HMGCLL1: variants seen among roughly 807,000 people sequenced by gnomAD.
HMGCLL1 encodes the protein 3-hydroxymethyl-3-methylglutaryl-CoA lyase, cytoplasmic.
In HMGCLL1, 36 loss-of-function variants were observed where a neutral mutation model predicts 39.1. That is an observed-to-expected ratio of 0.92 (90% confidence interval 0.71 to 1.22). The LOEUF is 1.22. Among genes scored for constraint, HMGCLL1 ranks in the 50% most tolerant of loss-of-function variants. HMGCLL1 has a pLI of 0.00. For synonymous variants in HMGCLL1, 149 were observed against 144.0 expected (o/e 1.03, Z -0.25); for missense variants, 451 against 416.5 (o/e 1.08, Z -0.72).
At chr6:55,558,038 T>C (rs1411171433) in intron 1 of HMGCLL1, among the ~76,000 whole-genome samples, 3 of 152,106 alleles carry the variant, frequency 2.0e-5, no homozygotes. Flanking sequence ...TCAGGCTCCA[T>C]TTAAATGGAG....
intron 7 of HMGCLL1, among the ~76,000 whole-genome samples, chr6:55,488,788 T>A (rs1318208142): frequency 6.6e-6 from 1 of 152,044 alleles, no homozygotes; most frequent in Non-Finnish European, 1.5e-5. Flanking sequence ...GAGAAGTAAT[T>A]TTATAAGAAT....
At chr6:55,605,798 C>T in the HMGCLL1 span, among the ~76,000 whole-genome samples, 1 of 152,108 alleles carries the variant, frequency 6.6e-6, no homozygotes, top group Non-Finnish European at 1.5e-5. Flanking sequence ...TTCCCAAACT[C>T]CTGAGTTAGA....
intron 3 of HMGCLL1, among the ~76,000 whole-genome samples, chr6:55,523,763 A>G (rs1199042492): frequency 1.3e-5 from 2 of 151,924 alleles, no homozygotes; most frequent in African/African-American, 2.4e-5. Context: ...TGGCACCAGA[A>G]GTATGTAAAT....
the HMGCLL1 span, among the ~76,000 whole-genome samples, chr6:55,666,790 T>A: frequency 8.0e-4 from 122 of 151,786 alleles, no homozygotes; most frequent in African/African-American, 2.9e-3. Context: ...CAGTTAAATT[T>A]TTCAAAATTT....
chr6:55,604,870 T>G, the HMGCLL1 span, among the ~76,000 whole-genome samples: 1 of 152,222 alleles, frequency 6.6e-6, no homozygotes, highest in Non-Finnish European at 1.5e-5. Context: ...CATTTTTACA[T>G]GTATTAATTT....
At chr6:55,505,643 C>T (rs982188122) in intron 5 of HMGCLL1, among the ~76,000 whole-genome samples, 3 of 151,504 alleles carry the variant, frequency 2.0e-5, no homozygotes, top group East Asian at 1.9e-4. Flanking sequence ...ATTAGAATAC[C>T]GTGTATTAAA....
the HMGCLL1 span, among the ~76,000 whole-genome samples, chr6:55,627,538 G>C: frequency 6.6e-6 from 1 of 151,914 alleles, no homozygotes; most frequent in Non-Finnish European, 1.5e-5. Context: ...TCATTGGATT[G>C]AAGGATACAA....
At chr6:55,647,787 A>G in the HMGCLL1 span, among the ~76,000 whole-genome samples, 17 of 56,314 alleles carry the variant, frequency 3.0e-4, no homozygotes, top group African/African-American at 1.4e-3. Context: ...TTTTTATTAT[A>G]CTCTAAGTTT....
At chr6:55,449,694 A>G (rs1763998531) in intron 7 of HMGCLL1, among the ~76,000 whole-genome samples, 1 of 151,988 alleles carries the variant, frequency 6.6e-6, no homozygotes, top group African/African-American at 2.4e-5. Context: ...TTACGATTTT[A>G]TTGGATCTCT....
At chr6:55,670,283 G>C in the HMGCLL1 span, among the ~76,000 whole-genome samples, 1 of 151,588 alleles carries the variant, frequency 6.6e-6, no homozygotes, top group Non-Finnish European at 1.5e-5. Flanking sequence ...GAGAAATAAA[G>C]ATATTCTCAG....
the HMGCLL1 span, among the ~76,000 whole-genome samples, chr6:55,623,278 C>T: frequency 2.0e-5 from 3 of 151,480 alleles, no homozygotes; most frequent in Non-Finnish European, 4.4e-5. Flanking sequence ...ATTTCTTTTC[C>T]TTTTCTAATT....
intron 3 of HMGCLL1, among the ~76,000 whole-genome samples, chr6:55,540,623 T>A (rs1258217548): frequency 6.6e-6 from 1 of 152,188 alleles, no homozygotes; most frequent in East Asian, 1.9e-4. Context: ...TCACCCAGTC[T>A]ATGCTATTCT....
the HMGCLL1 span, among the ~76,000 whole-genome samples, chr6:55,664,592 T>C: frequency 1.3e-5 from 2 of 151,936 alleles, no homozygotes; most frequent in East Asian, 1.9e-4. Context: ...AGCTATCTAT[T>C]ACTTTGTAGC....
the HMGCLL1 span, among the ~76,000 whole-genome samples, chr6:55,671,478 G>A: frequency 2.3e-4 from 35 of 151,852 alleles, no homozygotes; most frequent in East Asian, 5.4e-3. Flanking sequence ...TACATGAAGC[G>A]AAACTAACAG....
At chr6:55,589,212 A>C in the HMGCLL1 span, among the ~76,000 whole-genome samples, 3 of 152,230 alleles carry the variant, frequency 2.0e-5, no homozygotes, top group Non-Finnish European at 1.5e-5. Context: ...CACCATGATC[A>C]AGTGGGCTTC....
At chr6:55,531,883 G>A (rs1768703763) in intron 3 of HMGCLL1, among the ~76,000 whole-genome samples, 1 of 152,104 alleles carries the variant, frequency 6.6e-6, no homozygotes, top group South Asian at 2.1e-4. Context: ...CTAGTTGCAG[G>A]AAAACAAGCT....
At chr6:55,595,813 G>A in the HMGCLL1 span, among the ~76,000 whole-genome samples, 1 of 152,016 alleles carries the variant, frequency 6.6e-6, no homozygotes, top group Non-Finnish European at 1.5e-5. Context: ...TATATACTAG[G>A]AAATATATCA....
At chr6:55,487,423 T>C (rs1028997963) in intron 7 of HMGCLL1, among the ~76,000 whole-genome samples, 2 of 152,056 alleles carry the variant, frequency 1.3e-5, no homozygotes, top group Non-Finnish European at 1.5e-5. Flanking sequence ...ATTAGGTATT[T>C]CTCCTAAAGT....
chr6:55,598,705 T>C, the HMGCLL1 span, among the ~76,000 whole-genome samples: 1 of 152,200 alleles, frequency 6.6e-6, no homozygotes, highest in Non-Finnish European at 1.5e-5. Context: ...TTGTTAGTTT[T>C]CAAGCTTGCA....
Sources: allele counts gnomAD v4.1 joint callset (sites outside exome capture counted in the v4.1 genomes callset), GRCh38; gene constraint gnomAD v4.1.1; transcripts MANE v1.5; gene names NCBI Gene and HGNC (gene_info 2026-07-23, HGNC 2026-07-21).